Variants in PRR20G observed in about 807,000 individuals in gnomAD.
PRR20G encodes proline rich 20G, also known as proline-rich protein 20G.
Position 127,284,532 on chromosome 3 carries a change from C to T in PRR20G, c.161G>A (p.Arg54Gln), listed in dbSNP as rs1172412828. ...KPTAYVKPMR[R>Q]EPPARAQPAP... ...TGGCTGTGCGCGAGCTGGGGGCTCC[C>T]GTCTCATGGGTTTCACATAAGCAGT... The change falls in exon 3 of 3, where the codon CGG (arginine) becomes CAG (glutamine). Residue 54 changes from arginine to glutamine, a missense_variant. Arg to Gln is a conservative substitution (Grantham distance 43). Transcript: ENST00000465482. 2 of 156,528 alleles carry T rather than the reference C, an allele frequency of 1.3e-5. No homozygotes were observed. The highest frequency in any genetic ancestry group is 1.9e-4 in the East Asian group (1 of 5,262). The allele number at this position is 156,528 out of a possible 1,614,324, so 9.7% of individuals were successfully genotyped here.
rs2080392449 is a variant in PRR20G at position 127,287,379 on chromosome 3, G to C, written c.-7-7C>G. On this transcript the variant is annotated splice_region_variant and splice_polypyrimidine_tract_variant and intron_variant, in intron 1 of 2. Transcript: ENST00000465482. Reference sequence around the variant, plus strand: ...TGGTTCCTCCATGAGGAATCTGCGGGAGTGGGTGGGGAGGAAAACGCGTCT... The same window carrying C: ...TGGTTCCTCCATGAGGAATCTGCGGCAGTGGGTGGGGAGGAAAACGCGTCT... Among the ~76,000 whole-genome samples the C allele has an allele frequency of 6.6e-6, 1 of 152,340 alleles. No individual in the cohort carries two copies. Among genetic ancestry groups the C allele is most frequent in the Non-Finnish European group, 1.5e-5 (1 of 68,034 alleles).
At chr3:127,286,362 G>A (rs868240661) in intron 2 of PRR20G, among the ~76,000 whole-genome samples, 8 of 152,172 alleles carry the variant, frequency 5.3e-5, no homozygotes, top group African/African-American at 1.9e-4. Flanking sequence ...TATCCCTTAG[G>A]AATCAGAATG....
At chr3:127,287,492 C>T (rs1003977680) in intron 1 of PRR20G, among the ~76,000 whole-genome samples, 120 bp from the exon 2 acceptor site, 3 of 152,206 alleles carry the variant, frequency 2.0e-5, no homozygotes, top group African/African-American at 7.2e-5. Flanking sequence ...GCCACTGCCG[C>T]TCGCGGGTCT....
At chr3:127,284,961 T>G (rs994211550) in intron 2 of PRR20G, among the ~76,000 whole-genome samples, 7 of 152,192 alleles carry the variant, frequency 4.6e-5, no homozygotes, top group African/African-American at 1.4e-4. Flanking sequence ...ACTGCCTGCC[T>G]TCACTGTGTT....
intron 2 of PRR20G, among the ~76,000 whole-genome samples, chr3:127,284,964 A>G (rs1218251634): frequency 6.6e-6 from 1 of 152,208 alleles, no homozygotes; most frequent in Non-Finnish European, 1.5e-5. Flanking sequence ...GCCTGCCTTC[A>G]CTGTGTTTAA....
chr3:127,285,263 A>G (rs1377082650), intron 2 of PRR20G, among the ~76,000 whole-genome samples: 1 of 152,246 alleles, frequency 6.6e-6, no homozygotes, highest in Non-Finnish European at 1.5e-5. Context: ...AGATGATCAG[A>G]AAGTCTTATT....
intron 2 of PRR20G, among the ~76,000 whole-genome samples, chr3:127,286,480 G>A (rs2080388063): frequency 6.6e-6 from 1 of 152,216 alleles, no homozygotes; most frequent in Admixed American, 6.5e-5. Flanking sequence ...GACAGTGTAT[G>A]AAGGGAAATG....
chr3:127,283,849 C>T lies in PRR20G; in HGVS notation c.*211G>A, dbSNP rs1307184524. Among the ~76,000 whole-genome samples, 2 of 152,088 alleles carry T rather than the reference C, an allele frequency of 1.3e-5. No individual in the cohort carries two copies. The highest frequency in any genetic ancestry group is 1.3e-4 in the Admixed American group (2 of 15,280). ...CCATGCATGTGTATTTTTGACAGAA[C>T]ATACAAAGCGGAGGCAAGAGGGGAA... On this transcript the variant is annotated 3_prime_UTR_variant, in exon 3 of 3. Coordinates refer to ENST00000465482, the MANE Select transcript of PRR20G (RefSeq NM_001362810.2).
In PRR20G at chr3:127,287,947, A is replaced by G. The variant is rs368113849; in HGVS notation, c.-76T>C. 6.7e-6 allele frequency among the ~76,000 whole-genome samples: 1 copy of G among 149,308 alleles called. No individual in the cohort carries two copies. Among genetic ancestry groups the G allele is most frequent in the South Asian group, 2.1e-4 (1 of 4,672 alleles). On this transcript the variant is annotated 5_prime_UTR_variant, in exon 1 of 3. Coordinates refer to ENST00000465482, the MANE Select transcript of PRR20G (RefSeq NM_001362810.2). ...AGGAGCTGGAGGTGTCCACGGGATC[A>G]CGGCTATGGCTCCGACGTCGCCCTC...
chr3:127,288,002 G>A lies in PRR20G; in HGVS notation c.-131C>T, dbSNP rs2080395804. Among the ~76,000 whole-genome samples, 1 of 152,130 alleles carries A rather than the reference G, an allele frequency of 6.6e-6. No homozygotes were observed. Among genetic ancestry groups the A allele is most frequent in the Non-Finnish European group, 1.5e-5 (1 of 68,024 alleles). On this transcript the variant is annotated 5_prime_UTR_variant, in exon 1 of 3. Transcript: ENST00000465482. Reference sequence around the variant, plus strand: ...GCGCCCCCTACCAGGCAGGTAGGAGGGAGCACCCAGCAGTCCTAGTTCGGA... The same window carrying A: ...GCGCCCCCTACCAGGCAGGTAGGAGAGAGCACCCAGCAGTCCTAGTTCGGA...
At chr3:127,284,916 T>C (rs2080380178) in intron 2 of PRR20G, among the ~76,000 whole-genome samples, 1 of 152,194 alleles carries the variant, frequency 6.6e-6, no homozygotes, top group Non-Finnish European at 1.5e-5. Flanking sequence ...AGTCTACAGT[T>C]CCCTACAGTG....
rs912070410 is a variant in PRR20G, at chr3:127,283,909, A to C, written c.*151T>G. Among the ~76,000 whole-genome samples the C allele has an allele frequency of 1.3e-5, 2 of 152,150 alleles. No homozygotes were observed. The highest frequency in any genetic ancestry group is 4.8e-5 in the African/African-American group (2 of 41,432). On this transcript the variant is annotated 3_prime_UTR_variant, in exon 3 of 3. Coordinates refer to ENST00000465482, the MANE Select transcript of PRR20G (RefSeq NM_001362810.2). ...GATGGACTACTGTCAGGATCCTGGG[A>C]GGAGGACTTGGAGGCTCATGACAAC...
In PRR20G at chr3:127,284,622, G is replaced by T; in HGVS notation, c.71C>A (p.Thr24Lys). The T allele has an allele frequency of 6.4e-6, 1 of 156,786 alleles. No homozygotes were observed. 9.7% of individuals were successfully genotyped at this position (156,786 alleles called of 1,614,324 possible). ...APNQASGGPPTEPGCSGVDRE... is the reference protein window; with the variant it reads ...APNQASGGPPKEPGCSGVDRE... ...GTCCACACCAGAGCAGCCTGGCTCT[G>T]TAGGAGGCCCACCTGAAGCTAAAAG... The change falls in exon 3 of 3, where the codon ACA becomes AAA. Residue 24 changes from threonine (T) to lysine (K), a missense_variant. Coordinates refer to ENST00000465482, the MANE Select transcript of PRR20G (RefSeq NM_001362810.2).
At chr3:127,285,697 C>T (rs1420970870) in intron 2 of PRR20G, among the ~76,000 whole-genome samples, 1 of 152,188 alleles carries the variant, frequency 6.6e-6, no homozygotes, top group Admixed American at 6.5e-5. Flanking sequence ...GCCCCATCCA[C>T]GAGCTTGGAG....
intron 2 of PRR20G, among the ~76,000 whole-genome samples, chr3:127,286,263 C>T (rs2080386845): frequency 6.6e-6 from 1 of 152,150 alleles, no homozygotes; most frequent in African/African-American, 2.4e-5. Flanking sequence ...ACCTCAAAAG[C>T]AGCAATTAAA....
At chr3:127,287,742 G>T (rs891403096) in intron 1 of PRR20G, among the ~76,000 whole-genome samples, 137 bp downstream of exon 1, 1 of 152,174 alleles carries the variant, frequency 6.6e-6, no homozygotes, top group Admixed American at 6.5e-5. Flanking sequence ...AAAAAAGATG[G>T]AGGATGGGGA....
Position 127,288,032 on chromosome 3 carries a change from G to C in PRR20G, c.-161C>G, listed in dbSNP as rs144948538. Among the ~76,000 whole-genome samples, 191 of 152,198 alleles carry C rather than the reference G, an allele frequency of 1.3e-3. 6 individuals carry two copies. The East Asian group carries it at 0.033, about 26-fold the overall frequency. On this transcript the variant is annotated 5_prime_UTR_variant, in exon 1 of 3. Coordinates refer to ENST00000465482, the MANE Select transcript of PRR20G (RefSeq NM_001362810.2). Reference sequence around the variant, plus strand: ...ACCCAGCAGTCCTAGTTCGGAGCCCGGCAGAAAGCTGACTGCTCGCGGTTA... The same window carrying C: ...ACCCAGCAGTCCTAGTTCGGAGCCCCGCAGAAAGCTGACTGCTCGCGGTTA...
At position 127,284,642 on chromosome 3, in the gene PRR20G, TA is replaced by T; in HGVS notation, c.53-3del. On this transcript the variant is annotated splice_polypyrimidine_tract_variant and splice_region_variant and intron_variant, in intron 2 of 2. Transcript: ENST00000465482. ...GCTCTGTAGGAGGCCCACCTGAAGC[TA>T]AAAGAGAAGCAGAGTGTAAGGAGAT... 6.4e-6 allele frequency: 1 copy of T among 156,528 alleles called. No individual in the cohort carries two copies. The allele number at this position is 156,528 out of a possible 1,614,324, so 9.7% of individuals were successfully genotyped here.
intron 2 of PRR20G, among the ~76,000 whole-genome samples, chr3:127,286,847 A>C (rs947369055): frequency 2.0e-5 from 3 of 152,152 alleles, no homozygotes; most frequent in Non-Finnish European, 4.4e-5. Flanking sequence ...GACTCGTGAT[A>C]AGTAAACACA....
Sources: allele counts gnomAD v4.1 joint callset (sites outside exome capture counted in the v4.1 genomes callset), GRCh38; gene constraint gnomAD v4.1.1; transcripts MANE v1.5; gene names NCBI Gene and HGNC (gene_info 2026-07-23, HGNC 2026-07-21).